Variants in UBAP2 observed in about 807,000 individuals in gnomAD.
The protein encoded by UBAP2 is ubiquitin-associated protein 2.
A neutral mutation model predicts 139.6 loss-of-function variants in UBAP2; 75 were observed. The ratio of observed to expected loss-of-function variants is 0.54; its 90% CI spans 0.45 to 0.65. The LOEUF is 0.65. UBAP2 is among the 30% of genes least tolerant of loss of function. UBAP2 has a pLI of 0.00. For synonymous variants in UBAP2, 526 were observed against 526.2 expected (o/e 1.00, Z 0.01); for missense variants, 1,368 against 1,369.6 (o/e 1.00, Z 0.02).
At chr9:34,013,635 G>C (rs1251986212) in intron 2 of UBAP2, among the ~76,000 whole-genome samples, 2 of 152,020 alleles carry the variant, frequency 1.3e-5, no homozygotes, top group Non-Finnish European at 2.9e-5. Flanking sequence ...CCAGCACTCT[G>C]GGAGGCCAAG....
chr9:33,975,797 G>A (rs977818630), intron 6 of UBAP2, among the ~76,000 whole-genome samples: 15 of 139,028 alleles, frequency 1.1e-4, no homozygotes, highest in South Asian at 6.7e-4. Flanking sequence ...ACAAGACTCC[G>A]TCTCAAAAAA....
At chr9:33,960,701 A>G in intron 10 of UBAP2, 125 bp downstream of exon 10, 1 of 844,512 alleles carries the variant, frequency 1.2e-6, no homozygotes, top group Non-Finnish European at 1.9e-6. Flanking sequence ...AACTGCTTGA[A>G]TCTGGGAGGC....
At chr9:33,956,930 GA>G (rs11285793) in intron 10 of UBAP2, among the ~76,000 whole-genome samples, 77,850 of 147,724 alleles carry the variant, frequency 0.53, 20,379 homozygotes, top group East Asian at 0.73. Flanking sequence ...TCATCTCTAG[GA>G]AAAAAAAAAA....
At chr9:33,942,303 T>A (rs1825293601) in intron 15 of UBAP2, among the ~76,000 whole-genome samples, 1 of 150,636 alleles carries the variant, frequency 6.6e-6, no homozygotes, top group Admixed American at 6.6e-5. Flanking sequence ...AGAGCAAGAC[T>A]CTGTCTAGAA....
At chr9:33,976,092 A>T (rs1231337815) in intron 6 of UBAP2, among the ~76,000 whole-genome samples, 3 of 152,184 alleles carry the variant, frequency 2.0e-5, no homozygotes, top group Non-Finnish European at 4.4e-5. Context: ...AGAAGGCAAA[A>T]GTAAGACTTC....
intron 26 of UBAP2, 76 bp from the exon 27 acceptor site, chr9:33,923,109 G>A: frequency 6.2e-7 from 1 of 1,610,826 alleles, no homozygotes; most frequent in Admixed American, 1.7e-5. Context: ...TCACTCAGGG[G>A]TTGCCCTGCC....
At chr9:33,948,067 T>C (rs527490314) in intron 13 of UBAP2, among the ~76,000 whole-genome samples, 1 of 151,442 alleles carries the variant, frequency 6.6e-6, no homozygotes, top group East Asian at 1.9e-4. Flanking sequence ...GCTCAGAAAA[T>C]TCTGTCCATG....
chr9:33,993,619 T>C (rs1821901379), intron 4 of UBAP2, among the ~76,000 whole-genome samples: 1 of 152,228 alleles, frequency 6.6e-6, no homozygotes, highest in Non-Finnish European at 1.5e-5. Flanking sequence ...TAAACCGTGA[T>C]GGCACCACTG....
intron 12 of UBAP2, among the ~76,000 whole-genome samples, chr9:33,950,252 T>C (rs1825991475): frequency 6.6e-6 from 1 of 152,048 alleles, no homozygotes; most frequent in African/African-American, 2.4e-5. Flanking sequence ...GTTGTATTTT[T>C]AGTAGAGACG....
chr9:33,941,674 G>C lies in UBAP2; in HGVS notation c.1904C>G (p.Ser635Ter), dbSNP rs1360627051. 3 of 1,614,146 alleles carry C rather than the reference G, an allele frequency of 1.9e-6. No homozygotes were observed. Among genetic ancestry groups the C allele is most frequent in the Non-Finnish European group, 2.5e-6 (3 of 1,180,028 alleles). ...RIPYQSPVSS[S>*]ESAPGTIMNG... ...CATGATGGTTCCTGGAGCTGACTCT[G>C]ATGAACTCACAGGGCTTTGGTATGG... Residue 635 changes from serine to a stop codon, truncating the protein, a stop_gained, in exon 16 of 29, where the codon TCA (serine) becomes TGA (stop). Coordinates refer to ENST00000379238, the MANE Select transcript of UBAP2 (RefSeq NM_001370062.2). LOFTEE classifies it high-confidence loss of function.
chr9:33,935,111 T>A (rs1243190970), intron 17 of UBAP2, among the ~76,000 whole-genome samples: 1 of 146,598 alleles, frequency 6.8e-6, no homozygotes, highest in Non-Finnish European at 1.5e-5. Flanking sequence ...AAAGAAGCAA[T>A]TAACGGATTT....
chr9:33,957,088 C>CAA (rs1186605992), intron 10 of UBAP2, among the ~76,000 whole-genome samples: 1 of 121,918 alleles, frequency 8.2e-6, no homozygotes, highest in African/African-American at 3.0e-5. Context: ...GATCCTGCCT[C>CAA]AAAAAAAAAA....
intron 10 of UBAP2, among the ~76,000 whole-genome samples, chr9:33,958,136 A>C (rs1426081577): frequency 6.6e-6 from 1 of 151,952 alleles, no homozygotes; most frequent in Non-Finnish European, 1.5e-5. Context: ...TATTTTAAAA[A>C]TTTTTTGTAG....
intron 1 of UBAP2, among the ~76,000 whole-genome samples, chr9:34,028,367 T>TATTTATTC (rs1825594660): frequency 6.7e-6 from 1 of 150,236 alleles, no homozygotes; most frequent in Non-Finnish European, 1.5e-5. Flanking sequence ...CTGTCTTATT[T>TATTTATTC]ATTTATTTAT....
intron 4 of UBAP2, among the ~76,000 whole-genome samples, chr9:33,992,010 T>C (rs544569784): frequency 6.6e-6 from 1 of 152,206 alleles, no homozygotes; most frequent in South Asian, 2.1e-4. Context: ...TCCCAGCACT[T>C]TGGGAGCCCA....
chr9:33,992,659 G>C (rs922226621), intron 4 of UBAP2, among the ~76,000 whole-genome samples: 33 of 5,812 alleles, frequency 5.7e-3, no homozygotes, highest in East Asian at 0.046. Flanking sequence ...ATCGGGCGGA[G>C]GGGGGGGGGC....
intron 8 of UBAP2, among the ~76,000 whole-genome samples, chr9:33,967,855 T>C (rs960523147): frequency 6.6e-6 from 1 of 152,192 alleles, no homozygotes. Context: ...TTGATGTCAA[T>C]AGGTCAGCAG....
intron 9 of UBAP2, among the ~76,000 whole-genome samples, chr9:33,963,505 G>A (rs1415320440): frequency 6.6e-6 from 1 of 152,156 alleles, no homozygotes; most frequent in Non-Finnish European, 1.5e-5. Flanking sequence ...GGCCACTTAG[G>A]AACATGGAAA....
chr9:33,998,973 C>A, intron 2 of UBAP2, 109 bp from the exon 3 acceptor site: 2 of 806,894 alleles, frequency 2.5e-6, no homozygotes, highest in Admixed American at 2.3e-5. Flanking sequence ...TACTAAGTAA[C>A]AACAAATAAA....
Sources: gnomAD v4.1 joint callset for allele counts (sites outside exome capture counted in the v4.1 genomes callset) on GRCh38, gnomAD v4.1.1 for gene constraint, MANE v1.5 for transcripts, NCBI Gene and HGNC (gene_info 2026-07-23, HGNC 2026-07-21) for gene names.